The following FNDC3A variants were observed in gnomAD, a reference collection of about 807,000 sequenced individuals.
FNDC3A encodes the protein fibronectin type-III domain-containing protein 3A.
FNDC3A carries 32 observed loss-of-function variants against 148.9 expected under a neutral mutation model. That is an observed-to-expected ratio of 0.21 (90% CI 0.16 to 0.29). The LOEUF (loss-of-function observed/expected upper bound fraction) is 0.29, where lower values mean the gene tolerates loss of function less well. Ranked by LOEUF, FNDC3A falls within the 10% of genes least tolerant of loss-of-function variation. FNDC3A has a pLI of 1.00. For synonymous variants in FNDC3A, 472 were observed against 473.6 expected (o/e 1.00, Z 0.04); for missense variants, 1,191 against 1,452.8 (o/e 0.82, Z 2.93).
intron 14 of FNDC3A, among the ~76,000 whole-genome samples, chr13:49,182,493 C>T (rs1885356756): frequency 6.6e-6 from 1 of 151,804 alleles, no homozygotes; most frequent in Non-Finnish European, 1.5e-5. Flanking sequence ...AACTGAATTT[C>T]CTGAATTTTC....
At chr13:49,171,859 C>T (rs1049317532) in intron 10 of FNDC3A, among the ~76,000 whole-genome samples, 184 bp from the exon 11 acceptor site, 1 of 152,028 alleles carries the variant, frequency 6.6e-6, no homozygotes, top group Non-Finnish European at 1.5e-5. Context: ...TGCTTTCTTT[C>T]CTTAAATTTG....
chr13:49,044,879 C>A, intron 2 of FNDC3A: 1 of 301,214 alleles, frequency 3.3e-6, no homozygotes. Flanking sequence ...TTGTTCTTGG[C>A]AATGAGCAAA....
chr13:49,203,358 A>G lies in FNDC3A; in HGVS notation c.3282+74A>G, dbSNP rs148018893. 1.2e-5 allele frequency: 14 copies of G among 1,130,644 alleles called. No homozygotes were observed. In the African/African-American group the frequency reaches 2.0e-4, roughly 16 times the overall value. 70.0% of individuals were successfully genotyped at this position (1,130,644 alleles called of 1,614,324 possible). A position where few individuals can be genotyped will look rare whatever the true frequency, so the allele number is the denominator to read the frequency against. On this transcript the variant is annotated intron_variant, in intron 25 of 25. Transcript: ENST00000492622. Reference sequence around the variant, plus strand: ...AATTTTTATGTATTTTCAGTGTAAGATTTGGCCATCTTTACCTTTTAATTC... The same window carrying G: ...AATTTTTATGTATTTTCAGTGTAAGGTTTGGCCATCTTTACCTTTTAATTC...
intron 8 of FNDC3A, among the ~76,000 whole-genome samples, chr13:49,153,877 T>G (rs1284319034): frequency 8.1e-6 from 1 of 122,718 alleles, no homozygotes; most frequent in Non-Finnish European, 1.7e-5. Flanking sequence ...CATTGATCTA[T>G]ATCTCTGTTT....
At chr13:48,996,887 C>G (rs1381709114) in intron 1 of FNDC3A, among the ~76,000 whole-genome samples, 1 of 151,952 alleles carries the variant, frequency 6.6e-6, no homozygotes, top group South Asian at 2.1e-4. Context: ...CATGGTGAAA[C>G]CACATCTCTA....
At chr13:49,144,408 A>G (rs2137963807) in intron 7 of FNDC3A, among the ~76,000 whole-genome samples, 1 of 152,322 alleles carries the variant, frequency 6.6e-6, no homozygotes, top group Middle Eastern at 3.4e-3. Flanking sequence ...GAACTTTGAA[A>G]AGGACAGAAT....
chr13:49,111,690 C>T (rs994487853), intron 3 of FNDC3A, among the ~76,000 whole-genome samples: 13 of 148,352 alleles, frequency 8.8e-5, no homozygotes, highest in Non-Finnish European at 1.6e-4. Flanking sequence ...AGCGCCACTG[C>T]ACTCCAGCCT....
intron 3 of FNDC3A, among the ~76,000 whole-genome samples, chr13:49,106,911 A>G (rs1487594034): frequency 6.6e-6 from 1 of 152,206 alleles, no homozygotes; most frequent in Non-Finnish European, 1.5e-5. Context: ...GAAACTACAT[A>G]GATAAGTCCT....
intron 2 of FNDC3A, among the ~76,000 whole-genome samples, chr13:49,027,732 A>C (rs1430732419): frequency 6.6e-6 from 1 of 152,208 alleles, no homozygotes; most frequent in Non-Finnish European, 1.5e-5. Flanking sequence ...CAGGAGAATT[A>C]AAATAGAACA....
intron 5 of FNDC3A, among the ~76,000 whole-genome samples, chr13:49,134,584 A>G (rs777242467): frequency 6.6e-5 from 10 of 151,910 alleles, no homozygotes; most frequent in Non-Finnish European, 1.2e-4. Flanking sequence ...TGTTAATTCT[A>G]TATTACTTTT....
chr13:49,037,653 G>GAGAT (rs1371233812), intron 2 of FNDC3A, among the ~76,000 whole-genome samples: 3 of 152,172 alleles, frequency 2.0e-5, no homozygotes, highest in Non-Finnish European at 4.4e-5. Context: ...ACTGTATTTG[G>GAGAT]AGATAGGGTG....
At chr13:49,066,040 A>G (rs973157863) in intron 2 of FNDC3A, among the ~76,000 whole-genome samples, 1 of 152,182 alleles carries the variant, frequency 6.6e-6, no homozygotes, top group African/African-American at 2.4e-5. Context: ...TGAGTATATA[A>G]TAAGTACTAT....
chr13:49,003,129 G>C (rs1469801490), intron 1 of FNDC3A, among the ~76,000 whole-genome samples: 2 of 152,102 alleles, frequency 1.3e-5, no homozygotes, highest in East Asian at 3.8e-4. Flanking sequence ...TCAGTGGCAT[G>C]ATCTCAGCTC....
At chr13:49,075,208 T>C in intron 2 of FNDC3A, 81 bp from the exon 3 acceptor site, 1 of 784,210 alleles carries the variant, frequency 1.3e-6, no homozygotes, top group South Asian at 1.7e-5. Context: ...GTTAAATAGC[T>C]TATATCTGCT....
At chr13:49,151,574 GT>G (rs1021298027) in intron 8 of FNDC3A, among the ~76,000 whole-genome samples, 1 of 151,360 alleles carries the variant, frequency 6.6e-6, no homozygotes, top group Non-Finnish European at 1.5e-5. Context: ...GTTTCTTTTT[GT>G]TTTTTTTATT....
At chr13:49,174,628 T>C (rs1367323173) in intron 12 of FNDC3A, 69 bp downstream of exon 12, 1 of 1,341,864 alleles carries the variant, frequency 7.5e-7, no homozygotes, top group Non-Finnish European at 1.0e-6. Context: ...TGTATAATTA[T>C]TTACTGTCCA....
intron 1 of FNDC3A, among the ~76,000 whole-genome samples, chr13:48,977,352 A>G (rs75364674): frequency 0.015 from 2,358 of 152,328 alleles, 62 homozygotes; most frequent in African/African-American, 0.053. Context: ...TTACTATAAT[A>G]TTTTATCACC....
At chr13:49,167,526 G>A (rs1415198741) in intron 9 of FNDC3A, among the ~76,000 whole-genome samples, 1 of 152,096 alleles carries the variant, frequency 6.6e-6, no homozygotes, top group Non-Finnish European at 1.5e-5. Context: ...GTGACATAGT[G>A]AGACCCTATC....
chr13:49,142,281 A>T (rs1447562368), intron 7 of FNDC3A, among the ~76,000 whole-genome samples: 1 of 152,168 alleles, frequency 6.6e-6, no homozygotes. Flanking sequence ...CACGTTCTTC[A>T]TTCCTGTAAA....
Sources: gnomAD v4.1 joint callset for allele counts (sites outside exome capture counted in the v4.1 genomes callset) on GRCh38, gnomAD v4.1.1 for gene constraint, MANE v1.5 for transcripts, NCBI Gene and HGNC (gene_info 2026-07-23, HGNC 2026-07-21) for gene names.